CNTNAP4: variants seen among roughly 807,000 people sequenced by gnomAD.
CNTNAP4 encodes contactin-associated protein-like 4.
CNTNAP4 carries 98 observed loss-of-function variants against 148.4 expected under a neutral mutation model. The ratio of observed to expected loss-of-function variants is 0.66; its 90% CI spans 0.56 to 0.78. The LOEUF is 0.78. Ranked by LOEUF, CNTNAP4 falls within the 30% of genes least tolerant of loss-of-function variation. The pLI is 0.00. For missense variants in CNTNAP4, 1,935 were observed against 1,565.6 expected, an observed-to-expected ratio of 1.24 and a Z score of -3.98; for synonymous variants, 730 against 565.1, an observed-to-expected ratio of 1.29 and a Z score of -4.14.
At chr16:76,342,572 A>T (rs1046000744) in intron 2 of CNTNAP4, among the ~76,000 whole-genome samples, 8 of 142,798 alleles carry the variant, frequency 5.6e-5, no homozygotes, top group African/African-American at 2.1e-4. Context: ...TCCGAGGTTC[A>T]CACCATTCTC....
At chr16:76,301,639 A>G (rs1309283135) in intron 1 of CNTNAP4, among the ~76,000 whole-genome samples, 3 of 152,210 alleles carry the variant, frequency 2.0e-5, no homozygotes, top group East Asian at 3.9e-4. Flanking sequence ...GGCGTGGTCC[A>G]GGTCTGTTCT....
chr16:76,386,442 G>A (rs1027412288), intron 3 of CNTNAP4, among the ~76,000 whole-genome samples: 6 of 152,050 alleles, frequency 3.9e-5, no homozygotes, highest in African/African-American at 1.4e-4. Context: ...AATTTAAAAT[G>A]CAAGCTTCCA....
At chr16:76,342,884 A>G (rs1048461013) in intron 2 of CNTNAP4, among the ~76,000 whole-genome samples, 3 of 152,246 alleles carry the variant, frequency 2.0e-5, no homozygotes, top group Non-Finnish European at 4.4e-5. Context: ...AATTCATGCT[A>G]GTAATAGATT....
chr16:76,452,907 C>T (rs1341609025), intron 8 of CNTNAP4, 138 bp downstream of exon 8: 1 of 804,926 alleles, frequency 1.2e-6, no homozygotes, highest in East Asian at 3.0e-5. Context: ...TATAAGTACT[C>T]TTCCTTAGAG....
intron 3 of CNTNAP4, among the ~76,000 whole-genome samples, chr16:76,359,693 TCTG>T (rs1345778517): frequency 3.9e-5 from 6 of 152,202 alleles, no homozygotes; most frequent in Non-Finnish European, 8.8e-5. Flanking sequence ...TACAAAGTAT[TCTG>T]CTGAATGGCA....
chr16:76,436,176 G>C (rs149848411), intron 4 of CNTNAP4, among the ~76,000 whole-genome samples: 1 of 152,026 alleles, frequency 6.6e-6, no homozygotes, highest in Non-Finnish European at 1.5e-5. Flanking sequence ...CTCAGGCAGC[G>C]CAGGGTTTAT....
intron 1 of CNTNAP4, among the ~76,000 whole-genome samples, chr16:76,302,250 C>T (rs1225698357): frequency 6.6e-6 from 1 of 152,102 alleles, no homozygotes; most frequent in East Asian, 1.9e-4. Flanking sequence ...GTAGATCTGA[C>T]AAAATTAACC....
chr16:76,494,979 C>T lies in CNTNAP4; in HGVS notation c.2150C>T (p.Pro717Leu), dbSNP rs1481552406. ...CAAACCTACTGGGGAGGTTCTTCGC[C>T]TGATCTTCAAAAATGTACTTGTGGA... is the stretch of plus-strand genomic sequence containing the variant. ...ETQTYWGGSS[P>L]DLQKCTCGLE... Residue 717 changes from proline to leucine, a missense_variant, in exon 14 of 24, where the codon CCT (proline) becomes CTT (leucine). Pro to Leu is a moderately conservative substitution (Grantham distance 98, BLOSUM62 -3). Transcript: ENST00000611870. The T allele has an allele frequency of 1.2e-6, 2 of 1,613,534 alleles. No homozygotes were observed. Among genetic ancestry groups the T allele is most frequent in the South Asian group, 2.2e-5 (2 of 91,056 alleles).
chr16:76,364,370 A>C (rs2013849386), intron 3 of CNTNAP4, among the ~76,000 whole-genome samples: 1 of 152,116 alleles, frequency 6.6e-6, no homozygotes, highest in African/African-American at 2.4e-5. Context: ...GTAAGCAAGC[A>C]AAAAATTTAT....
chr16:76,545,891 C>T (rs1239382151), intron 21 of CNTNAP4, among the ~76,000 whole-genome samples: 6 of 152,026 alleles, frequency 3.9e-5, no homozygotes, highest in East Asian at 3.9e-4. Context: ...AAAAATTAGC[C>T]GGGCGTGGTA....
chr16:76,311,035 G>A (rs1375776313), intron 1 of CNTNAP4, among the ~76,000 whole-genome samples: 1 of 151,940 alleles, frequency 6.6e-6, no homozygotes, highest in Non-Finnish European at 1.5e-5. Flanking sequence ...GTGTTTATCA[G>A]GATCAGTTGA....
chr16:76,402,300 G>A (rs1345485868), intron 3 of CNTNAP4, among the ~76,000 whole-genome samples: 1 of 151,632 alleles, frequency 6.6e-6, no homozygotes, highest in Non-Finnish European at 1.5e-5. Context: ...GCCATCTCAG[G>A]TTTTCTAGTT....
At chr16:76,514,946 T>G (rs946703014) in intron 15 of CNTNAP4, among the ~76,000 whole-genome samples, 2 of 152,202 alleles carry the variant, frequency 1.3e-5, no homozygotes, top group African/African-American at 4.8e-5. Flanking sequence ...TTTCAACATT[T>G]AAAGCATTTT....
chr16:76,334,224 G>C (rs1188119495), intron 2 of CNTNAP4, among the ~76,000 whole-genome samples: 1 of 151,664 alleles, frequency 6.6e-6, no homozygotes, highest in South Asian at 2.1e-4. Context: ...TCTTTGTCAT[G>C]TATAGTCTTT....
intron 3 of CNTNAP4, among the ~76,000 whole-genome samples, chr16:76,370,474 AG>A (rs1269805566): frequency 6.6e-6 from 1 of 152,178 alleles, no homozygotes; most frequent in African/African-American, 2.4e-5. Flanking sequence ...TAGCAGCCTG[AG>A]GCAGAGCAAA....
At chr16:76,488,036 A>G (rs1384563678) in intron 12 of CNTNAP4, among the ~76,000 whole-genome samples, 3 of 152,162 alleles carry the variant, frequency 2.0e-5, no homozygotes, top group African/African-American at 2.4e-5. Context: ...AAAGGTGAAT[A>G]GTTTTTTTGA....
intron 1 of CNTNAP4, among the ~76,000 whole-genome samples, chr16:76,299,271 G>T (rs1429223387): frequency 6.6e-6 from 1 of 152,102 alleles, no homozygotes; most frequent in African/African-American, 2.4e-5. Context: ...CTAATATCCA[G>T]AATCTATAAT....
At chr16:76,360,877 C>T (rs1329088807) in intron 3 of CNTNAP4, among the ~76,000 whole-genome samples, 1 of 140,986 alleles carries the variant, frequency 7.1e-6, no homozygotes, top group Admixed American at 7.7e-5. Context: ...AGTGCAGTGG[C>T]ACGATCTCGG....
intron 10 of CNTNAP4, among the ~76,000 whole-genome samples, chr16:76,472,952 T>A (rs527825704): frequency 6.6e-6 from 1 of 152,142 alleles, no homozygotes; most frequent in Non-Finnish European, 1.5e-5. Flanking sequence ...CCCCTGAACT[T>A]AAAATAAGAG....
Sources: gnomAD v4.1 joint callset for allele counts (sites outside exome capture counted in the v4.1 genomes callset) on GRCh38, gnomAD v4.1.1 for gene constraint, MANE v1.5 for transcripts, NCBI Gene and HGNC (gene_info 2026-07-23, HGNC 2026-07-21) for gene names.